Variants in RADIL observed in about 807,000 individuals in gnomAD.
RADIL encodes Rap associating with DIL domain.
Under a neutral mutation model 97.6 loss-of-function variants are expected in RADIL, and 99 were observed. That is an observed-to-expected ratio of 1.01 (90% CI 0.86 to 1.20). RADIL has a LOEUF of 1.20. RADIL is among the 50% of genes most tolerant of loss of function. The pLI, the probability that RADIL is intolerant of heterozygous loss-of-function variation, is 0.00. For missense variants in RADIL, 1,765 were observed against 1,498.9 expected (o/e 1.18, Z -2.93); for synonymous variants, 803 against 691.8 (o/e 1.16, Z -2.52).
chr7:4,829,700 C>T (rs987382337), intron 5 of RADIL, among the ~76,000 whole-genome samples: 4 of 151,954 alleles, frequency 2.6e-5, no homozygotes, highest in Admixed American at 1.3e-4. Context: ...GCTGTTCTCC[C>T]GATAGTGAAT....
intron 5 of RADIL, among the ~76,000 whole-genome samples, chr7:4,830,282 T>A (rs1783103399): frequency 6.6e-6 from 1 of 152,242 alleles, no homozygotes; most frequent in Admixed American, 6.5e-5. Flanking sequence ...CTTCAGCTCC[T>A]GTGCGGACAC....
chr7:4,799,049 C>T lies in RADIL; in HGVS notation c.*329G>A. 3.3e-6 allele frequency: 1 copy of T among 306,104 alleles called. No individual in the cohort carries two copies. The highest frequency in any genetic ancestry group is 6.3e-6 in the Non-Finnish European group (1 of 159,116). The allele number at this position is 306,104 out of a possible 1,614,324, so 19.0% of individuals were successfully genotyped here. Reference sequence around the variant, plus strand: ...CAGAGGCCATGGGGAGCCCCTGCGGCCCCTCCGAGCAGCCCACGCCTGCTG... The same window carrying T: ...CAGAGGCCATGGGGAGCCCCTGCGGTCCCTCCGAGCAGCCCACGCCTGCTG... On this transcript the variant is annotated 3_prime_UTR_variant, in exon 15 of 15. Coordinates refer to ENST00000399583, the MANE Select transcript of RADIL (RefSeq NM_018059.5).
rs1352820740 is a variant in RADIL, at chr7:4,822,057, C to T, written c.1615+337G>A. The stretch of plus-strand genomic sequence containing the variant: ...GTTCACGGTGGCATCTGTGTCTCCC[C>T]TACTGAGTGATCTGTGTACCCCCCG... On this transcript the variant is annotated intron_variant, in intron 6 of 14. Transcript: ENST00000399583. This position sits in a 1 kb window ranked among gnomAD's most constrained non-coding sequence, Gnocchi z 5.3. 6.6e-6 allele frequency among the ~76,000 whole-genome samples: 1 copy of T among 152,044 alleles called. No homozygotes were observed. Among genetic ancestry groups the T allele is most frequent in the Non-Finnish European group, 1.5e-5 (1 of 68,014 alleles).
chr7:4,800,608 T>C (rs994154235), intron 12 of RADIL, among the ~76,000 whole-genome samples: 2 of 152,026 alleles, frequency 1.3e-5, no homozygotes, highest in Non-Finnish European at 2.9e-5. Context: ...CCCACGCGGT[T>C]CTGTGCCACC....
In RADIL at chr7:4,873,295, C is replaced by A. The variant is rs1482895349; in HGVS notation, c.535+4310G>T. Among the ~76,000 whole-genome samples the A allele has an allele frequency of 1.3e-5, 2 of 152,146 alleles. No individual in the cohort carries two copies. On this transcript the variant is annotated intron_variant, in intron 2 of 14. Transcript: ENST00000399583. This position sits in a 1 kb window ranked among gnomAD's most constrained non-coding sequence, Gnocchi z 4.3. ...TGAAAAACAGTGTTACAGTGTTGAG[C>A]AACCTGGGGCTGGACTCGTTAACAC...
Position 4,819,072 on chromosome 7 carries a change from C to CT in RADIL, c.1616-1722dup, listed in dbSNP as rs773747258. Reference sequence around the variant, plus strand: ...ACTCCATTTCTCTCTCTCTCTCTCTCTTTTTTTTTTTTTTTTAAAGACAGA... The same window carrying CT: ...ACTCCATTTCTCTCTCTCTCTCTCTCTTTTTTTTTTTTTTTTTAAAGACAGA... On this transcript the variant is annotated intron_variant, in intron 6 of 14. Coordinates refer to ENST00000399583, the MANE Select transcript of RADIL (RefSeq NM_018059.5). This position sits in a 1 kb window ranked among gnomAD's most constrained non-coding sequence, Gnocchi z 5.8. Among the ~76,000 whole-genome samples, 9,125 of 133,272 alleles carry CT rather than the reference C, an allele frequency of 0.068. 403 individuals carry two copies. Among genetic ancestry groups the CT allele is most frequent in the South Asian group, 0.19 (797 of 4,096 alleles). The allele number at this position is 133,272 out of a possible 152,430, so 87.4% of individuals were successfully genotyped here. A position where few individuals can be genotyped will look rare whatever the true frequency, so the allele number is the denominator to read the frequency against.
chr7:4,805,410 G>T (rs968656796), intron 10 of RADIL, 156 bp downstream of exon 10: 4 of 796,950 alleles, frequency 5.0e-6, no homozygotes, highest in East Asian at 3.0e-5. Context: ...GGGGCGGGGC[G>T]GGGGGGTCCT....
rs1296318396 is a variant in RADIL, at chr7:4,878,767, G to A, written c.-64-564C>T. Among the ~76,000 whole-genome samples the A allele has an allele frequency of 1.3e-5, 2 of 152,246 alleles. No homozygotes were observed. Among genetic ancestry groups the A allele is most frequent in the African/African-American group, 4.8e-5 (2 of 41,482 alleles). The stretch of plus-strand genomic sequence containing the variant: ...GGATTTCTGGAAAGTGCTGGGCGCA[G>A]CGCCCGTGTGCAGTGAGCATCAAGG... On this transcript the variant is annotated intron_variant, in intron 1 of 14. Transcript: ENST00000399583. This position sits in a 1 kb window ranked among gnomAD's most constrained non-coding sequence, Gnocchi z 4.1.
intron 2 of RADIL, among the ~76,000 whole-genome samples, chr7:4,851,977 C>T (rs1783719908): frequency 1.3e-5 from 2 of 152,204 alleles, no homozygotes; most frequent in South Asian, 4.1e-4. Context: ...TTTTCTTAGT[C>T]AAAACAGAGG....
In RADIL at chr7:4,867,201, C is replaced by A. The variant is rs1307490911; in HGVS notation, c.535+10404G>T. ...GAGCCTAAAGGTGTTGAGGGGCACA[C>A]AGGCACACGAGGCTTCTGAGGAAGC... On this transcript the variant is annotated intron_variant, in intron 2 of 14. Coordinates refer to ENST00000399583, the MANE Select transcript of RADIL (RefSeq NM_018059.5). The surrounding 1 kb of genome is among the most constrained non-coding windows in gnomAD (Gnocchi z 4.1). Among the ~76,000 whole-genome samples, 4 of 152,282 alleles carry A rather than the reference C, an allele frequency of 2.6e-5. No homozygotes were observed. The highest frequency in any genetic ancestry group is 6.8e-3 in the Middle Eastern group (2 of 294).
At chr7:4,859,830 T>C (rs1200283984) in intron 2 of RADIL, 5 of 963,538 alleles carry the variant, frequency 5.2e-6, no homozygotes, top group Non-Finnish European at 7.9e-6. Flanking sequence ...ATTGAGTTTC[T>C]CCTCTTCCGT....
chr7:4,875,269 C>CT (rs556186070), intron 2 of RADIL, among the ~76,000 whole-genome samples: 13,068 of 141,860 alleles, frequency 0.092, 1,733 homozygotes, highest in African/African-American at 0.25. Context: ...TGGTGCATGC[C>CT]GTAATCCCAG....
At position 4,822,517 on chromosome 7, in the gene RADIL, C is replaced by A. The variant is rs753464587; in HGVS notation, c.1492G>T (p.Asp498Tyr). The A allele has an allele frequency of 6.2e-7, 1 of 1,613,068 alleles. No homozygotes were observed. The highest frequency in any genetic ancestry group is 1.3e-5 in the African/African-American group (1 of 75,064). Reference sequence around the variant, plus strand: ...ATGGGCTGCAAGTCTGGAACCAGATCAGCCATGGCGCAGCTGGCCAGCGAG... The same window carrying A: ...ATGGGCTGCAAGTCTGGAACCAGATAAGCCATGGCGCAGCTGGCCAGCGAG... ...PISLASCAMA[D>Y]LVPDLQPILF... Residue 498 changes from aspartate to tyrosine, a missense_variant, in exon 6 of 15, where the codon GAT becomes TAT. Coordinates refer to ENST00000399583, the MANE Select transcript of RADIL (RefSeq NM_018059.5). The surrounding 1 kb of genome is among the most constrained non-coding windows in gnomAD (Gnocchi z 5.3).
chr7:4,846,637 C>T (rs1294353932), intron 2 of RADIL, among the ~76,000 whole-genome samples: 1 of 150,638 alleles, frequency 6.6e-6, no homozygotes, highest in Non-Finnish European at 1.5e-5. Context: ...CGTCCGCCTT[C>T]CAGGTTCAAG....
intron 10 of RADIL, 97 bp from the exon 11 acceptor site, chr7:4,803,851 G>A: frequency 8.7e-7 from 1 of 1,144,270 alleles, no homozygotes; most frequent in Non-Finnish European, 1.3e-6. Context: ...GGGGCCAGCA[G>A]ATTGAGCCCT....
At chr7:4,860,401 C>G (rs780816657) in intron 2 of RADIL, 3 of 1,613,680 alleles carry the variant, frequency 1.9e-6, no homozygotes, top group Non-Finnish European at 2.5e-6. Context: ...TCACTGCTTG[C>G]CTATAAACAG....
chr7:4,864,793 A>G (rs1011364238), intron 2 of RADIL, among the ~76,000 whole-genome samples: 13 of 152,242 alleles, frequency 8.5e-5, no homozygotes, highest in African/African-American at 2.6e-4. Context: ...CCAAGCCACC[A>G]TCAACTCTCA....
chr7:4,802,645 C>A (rs1273963443), intron 11 of RADIL, among the ~76,000 whole-genome samples: 1 of 128,544 alleles, frequency 7.8e-6, no homozygotes, highest in African/African-American at 2.9e-5. Flanking sequence ...TCCCCGGGCA[C>A]CTCGGGGCAC....
chr7:4,840,393 G>A lies in RADIL; in HGVS notation c.536-3788C>T, dbSNP rs1171955478. On this transcript the variant is annotated intron_variant, in intron 2 of 14. Transcript: ENST00000399583. The surrounding 1 kb of genome is among the most constrained non-coding windows in gnomAD (Gnocchi z 5.6). The stretch of plus-strand genomic sequence containing the variant: ...TGGAGGGAGACAGGAGCCGAGGCAC[G>A]TGGAGAGCATCCCTCGTGATGCTGA... 2.0e-5 allele frequency among the ~76,000 whole-genome samples: 3 copies of A among 152,304 alleles called. No homozygotes were observed. The highest frequency in any genetic ancestry group is 6.5e-5 in the Admixed American group (1 of 15,294).
Sources: gnomAD v4.1 joint callset for allele counts (sites outside exome capture counted in the v4.1 genomes callset) on GRCh38, gnomAD v4.1.1 for gene constraint, Gnocchi (gnomAD v3.1) non-coding constraint, MANE v1.5 for transcripts, NCBI Gene and HGNC (gene_info 2026-07-23, HGNC 2026-07-21) for gene names.